RHOJ: variants seen among roughly 807,000 people sequenced by gnomAD.
The protein encoded by RHOJ is rho-related GTP-binding protein RhoJ.
In RHOJ, 11 loss-of-function variants were observed where a neutral mutation model predicts 23.4. The observed-to-expected ratio is 0.47, with a 90% CI of 0.30 to 0.78. The LOEUF is 0.78. Among genes scored for constraint, RHOJ ranks in the 30% least tolerant of loss-of-function variants. The pLI, the probability that RHOJ is intolerant of heterozygous loss-of-function variation, is 0.08. For synonymous variants in RHOJ, 102 were observed against 102.7 expected, an observed-to-expected ratio of 0.99 and a Z score of 0.04; for missense variants, 254 against 273.4, an observed-to-expected ratio of 0.93 and a Z score of 0.50.
rs542729868 is a variant in RHOJ at position 63,266,398 on chromosome 14, G to T, written c.179-2712G>T. On this transcript the variant is annotated intron_variant, in intron 1 of 4. Coordinates refer to ENST00000316754, the MANE Select transcript of RHOJ (RefSeq NM_020663.5). ...ATCATAGCCTGAACTAGTTTTTCAG[G>T]TTTACTTTGGAATGCCCTTAACCAA... Among the ~76,000 whole-genome samples the T allele has an allele frequency of 1.4e-4, 21 of 152,284 alleles. 1 individual carries two copies. Among genetic ancestry groups the T allele is most frequent in the Admixed American group, 1.2e-3 (19 of 15,304 alleles).
At chr14:63,265,081 C>G (rs1895343096) in intron 1 of RHOJ, among the ~76,000 whole-genome samples, 1 of 151,988 alleles carries the variant, frequency 6.6e-6, no homozygotes, top group African/African-American at 2.4e-5. Flanking sequence ...TTTTGAGGAC[C>G]TAGTCATAAT....
intron 1 of RHOJ, among the ~76,000 whole-genome samples, chr14:63,234,917 A>G (rs17100878): frequency 0.035 from 5,399 of 152,260 alleles, 184 homozygotes; most frequent in African/African-American, 0.086. Context: ...GTGCCCCGTT[A>G]AAGAAATTAG....
chr14:63,228,653 A>G (rs1894638073), intron 1 of RHOJ, among the ~76,000 whole-genome samples: 1 of 152,154 alleles, frequency 6.6e-6, no homozygotes, highest in Non-Finnish European at 1.5e-5. Flanking sequence ...CGAAAACAGA[A>G]TAGAAACACA....
At chr14:63,233,963 ACCATAT>A (rs1218972991) in intron 1 of RHOJ, among the ~76,000 whole-genome samples, 2 of 152,208 alleles carry the variant, frequency 1.3e-5, no homozygotes, top group African/African-American at 4.8e-5. Context: ...CCTCTTTTCA[ACCATAT>A]CCCCACCTAC....
chr14:63,286,576 C>T (rs1302214970), intron 4 of RHOJ, among the ~76,000 whole-genome samples: 1 of 152,172 alleles, frequency 6.6e-6, no homozygotes, highest in African/African-American at 2.4e-5. Context: ...AGTCCAAACA[C>T]ATATTTTTAT....
At chr14:63,242,698 CCAT>C (rs1192941072) in intron 1 of RHOJ, among the ~76,000 whole-genome samples, 1 of 152,172 alleles carries the variant, frequency 6.6e-6, no homozygotes, top group Non-Finnish European at 1.5e-5. Context: ...TTGACAATCA[CCAT>C]AAGTTTCTTT....
chr14:63,268,609 T>A (rs78138088), intron 1 of RHOJ, among the ~76,000 whole-genome samples: 10,077 of 152,274 alleles, frequency 0.066, 1,116 homozygotes, highest in African/African-American at 0.23. Flanking sequence ...CTTTATAGGC[T>A]ATAAAAGTAT....
chr14:63,263,221 C>A (rs1268360328), intron 1 of RHOJ, among the ~76,000 whole-genome samples: 2 of 152,152 alleles, frequency 1.3e-5, no homozygotes, highest in Non-Finnish European at 1.5e-5. Context: ...GATTCGAATA[C>A]AGAACTATCT....
At chr14:63,236,153 C>G (rs1894785395) in intron 1 of RHOJ, among the ~76,000 whole-genome samples, 1 of 152,184 alleles carries the variant, frequency 6.6e-6, no homozygotes, top group South Asian at 2.1e-4. Flanking sequence ...TTACGGCCAA[C>G]AAGTTCCAAG....
chr14:63,204,790 G>C lies in RHOJ; in HGVS notation c.-80G>C, dbSNP rs1894069451. On this transcript the variant is annotated 5_prime_UTR_variant, in exon 1 of 5. Transcript: ENST00000316754. ...CAGAGTAAACTCAAGCCTGGCACTGGCTTTCTGCCGCTTCATGTGCTTTGG... is the reference window on the plus strand; with the variant it reads ...CAGAGTAAACTCAAGCCTGGCACTGCCTTTCTGCCGCTTCATGTGCTTTGG... 6.9e-7 allele frequency: 1 copy of C among 1,455,316 alleles called. No individual in the cohort carries two copies. Among genetic ancestry groups the C allele is most frequent in the Non-Finnish European group, 9.4e-7 (1 of 1,062,174 alleles). The allele number at this position is 1,455,316 out of a possible 1,614,324, so 90.2% of individuals were successfully genotyped here. A position where few individuals can be genotyped will look rare whatever the true frequency, so the allele number is the denominator to read the frequency against.
intron 1 of RHOJ, among the ~76,000 whole-genome samples, chr14:63,215,609 A>C (rs1231983604): frequency 6.6e-6 from 1 of 151,708 alleles, no homozygotes; most frequent in Non-Finnish European, 1.5e-5. Context: ...CAGACAAGAA[A>C]ACCGAAGCTC....
chr14:63,251,680 C>T (rs1284999117), intron 1 of RHOJ, among the ~76,000 whole-genome samples: 3 of 152,158 alleles, frequency 2.0e-5, no homozygotes, highest in Non-Finnish European at 4.4e-5. Flanking sequence ...GGAAATATTA[C>T]GTCAAGGGAA....
chr14:63,213,272 C>G (rs1204679000), intron 1 of RHOJ, among the ~76,000 whole-genome samples: 1 of 152,038 alleles, frequency 6.6e-6, no homozygotes, highest in Non-Finnish European at 1.5e-5. Flanking sequence ...GTTTTTTGAC[C>G]CTTGCCCTCT....
At chr14:63,282,433 G>T (rs751555953) in intron 3 of RHOJ, among the ~76,000 whole-genome samples, 2 of 152,088 alleles carry the variant, frequency 1.3e-5, no homozygotes, top group African/African-American at 2.4e-5. Context: ...TGAACACATG[G>T]ATTCGCATAC....
rs994421472 is a variant in RHOJ at position 63,293,012 on chromosome 14, A to C, written c.*1988A>C. ...TCCCTTCTCTCCCATCTAATTGCTA[A>C]AGATTTTCTTTCATACGCACACACT... On this transcript the variant is annotated 3_prime_UTR_variant, in exon 5 of 5. Coordinates refer to ENST00000316754, the MANE Select transcript of RHOJ (RefSeq NM_020663.5). 3 of 152,144 alleles carry C rather than the reference A, an allele frequency of 2.0e-5. No homozygotes were observed. The highest frequency in any genetic ancestry group is 7.2e-5 in the African/African-American group (3 of 41,482). The allele number at this position is 152,144 out of a possible 1,614,324, so 9.4% of individuals were successfully genotyped here.
At chr14:63,288,108 C>G in intron 4 of RHOJ, 1 of 914,278 alleles carries the variant, frequency 1.1e-6, no homozygotes, top group Non-Finnish European at 1.3e-6. Flanking sequence ...CTGATGACTA[C>G]TTTTTCTATC....
chr14:63,234,738 C>CA (rs1894757772), intron 1 of RHOJ, among the ~76,000 whole-genome samples: 1 of 151,726 alleles, frequency 6.6e-6, no homozygotes, highest in Non-Finnish European at 1.5e-5. Flanking sequence ...ATATTTTTTC[C>CA]AAAAAATATA....
intron 4 of RHOJ, among the ~76,000 whole-genome samples, chr14:63,287,464 A>G (rs574787422): frequency 6.6e-6 from 1 of 152,196 alleles, no homozygotes; most frequent in Non-Finnish European, 1.5e-5. Context: ...CCTCTCAGAC[A>G]TGTCTACAGC....
chr14:63,211,199 A>G (rs988966230), intron 1 of RHOJ, among the ~76,000 whole-genome samples: 3 of 152,136 alleles, frequency 2.0e-5, no homozygotes, highest in Admixed American at 6.6e-5. Context: ...GGGGGAAAAA[A>G]TAACATAATT....
Sources: gnomAD v4.1 joint callset for allele counts (sites outside exome capture counted in the v4.1 genomes callset) on GRCh38, gnomAD v4.1.1 for gene constraint, MANE v1.5 for transcripts, NCBI Gene and HGNC (gene_info 2026-07-23, HGNC 2026-07-21) for gene names.